The following MDGA2 variants were observed in gnomAD, a reference collection of about 807,000 sequenced individuals.
The protein encoded by MDGA2 is MAM domain containing glycosylphosphatidylinositol anchor 2, also known as MAM domain-containing glycosylphosphatidylinositol anchor protein 2.
A neutral mutation model predicts 117.8 loss-of-function variants in MDGA2; 40 were observed. The observed-to-expected ratio is 0.34, with a 90% CI of 0.26 to 0.44. MDGA2 has a LOEUF of 0.44. MDGA2 is among the 20% of genes least tolerant of loss of function. The pLI, the probability that MDGA2 is intolerant of heterozygous loss-of-function variation, is 1.00. For synonymous variants in MDGA2, 452 were observed against 439.0 expected, an observed-to-expected ratio of 1.03 and a Z score of -0.37; for missense variants, 1,123 against 1,250.6, an observed-to-expected ratio of 0.90 and a Z score of 1.54.
At chr14:47,239,395 G>C (rs536818488) in intron 2 of MDGA2, among the ~76,000 whole-genome samples, 1 of 151,720 alleles carries the variant, frequency 6.6e-6, no homozygotes, top group South Asian at 2.1e-4. Context: ...ACTGTACATT[G>C]TGTAAAATAA....
At chr14:47,549,408 A>G (rs1250500460) in intron 1 of MDGA2, among the ~76,000 whole-genome samples, 1 of 142,484 alleles carries the variant, frequency 7.0e-6, no homozygotes, top group Non-Finnish European at 1.5e-5. Context: ...TTTTTCCACC[A>G]TTCCAGTGTG....
intron 7 of MDGA2, among the ~76,000 whole-genome samples, chr14:47,051,293 T>C (rs1380524396): frequency 2.0e-5 from 3 of 151,852 alleles, no homozygotes; most frequent in East Asian, 1.9e-4. Flanking sequence ...AATTAAGACA[T>C]GTAGGTTATC....
intron 1 of MDGA2, among the ~76,000 whole-genome samples, chr14:47,358,818 C>A (rs1318444025): frequency 1.3e-5 from 2 of 152,118 alleles, no homozygotes; most frequent in African/African-American, 4.8e-5. Flanking sequence ...GGAGAAGACA[C>A]AAATATGTGG....
intron 1 of MDGA2, among the ~76,000 whole-genome samples, chr14:47,597,165 C>T (rs1252892871): frequency 6.6e-6 from 1 of 151,982 alleles, no homozygotes; most frequent in Admixed American, 6.6e-5. Context: ...AAAATTTCCC[C>T]TTAAAGGTTA....
chr14:47,444,655 G>C (rs1456940423), intron 1 of MDGA2, among the ~76,000 whole-genome samples: 1 of 152,072 alleles, frequency 6.6e-6, no homozygotes, highest in Non-Finnish European at 1.5e-5. Flanking sequence ...TAAGACTTCT[G>C]GGTTTTCAAA....
chr14:47,439,771 T>C (rs973365993), intron 1 of MDGA2, among the ~76,000 whole-genome samples: 7 of 151,786 alleles, frequency 4.6e-5, no homozygotes, highest in African/African-American at 1.5e-4. Flanking sequence ...TATGGTTGTA[T>C]GTACTCGAGT....
chr14:47,496,435 G>C (rs1894282640), intron 1 of MDGA2, among the ~76,000 whole-genome samples: 1 of 151,904 alleles, frequency 6.6e-6, no homozygotes, highest in Non-Finnish European at 1.5e-5. Context: ...GTAGAAATGG[G>C]GTCAGGCTAT....
intron 1 of MDGA2, among the ~76,000 whole-genome samples, chr14:47,410,013 C>T (rs893645591): frequency 2.0e-5 from 3 of 152,140 alleles, no homozygotes; most frequent in Non-Finnish European, 4.4e-5. Flanking sequence ...TCATTACAGG[C>T]TATGAGATTC....
intron 1 of MDGA2, among the ~76,000 whole-genome samples, chr14:47,646,812 A>G (rs1481154858): frequency 6.6e-6 from 1 of 152,188 alleles, no homozygotes; most frequent in African/African-American, 2.4e-5. Context: ...ATGTAAAATG[A>G]AATTGTTTGT....
rs560548304 is a variant in MDGA2, at chr14:46,977,154, A to G, written c.1820-19511T>C. 3.3e-5 allele frequency among the ~76,000 whole-genome samples: 5 copies of G among 151,984 alleles called. No homozygotes were observed. In the East Asian group the frequency reaches 5.8e-4, roughly 18 times the overall value. ...TAGAGTACACATGACTATATGACAT[A>G]TGTATCATCAAGCTCCAAGATTAAA... On this transcript the variant is annotated intron_variant, in intron 8 of 16. Transcript: ENST00000399232.
At chr14:47,042,674 G>C (rs1471553956) in intron 7 of MDGA2, among the ~76,000 whole-genome samples, 1 of 152,018 alleles carries the variant, frequency 6.6e-6, no homozygotes, top group African/African-American at 2.4e-5. Context: ...TAAATAATTT[G>C]CGTTTGCAAC....
In MDGA2 at chr14:47,613,475, TCTCTCACA is replaced by T. The variant is rs1896889924; in HGVS notation, c.280+61034_280+61041del. 7.3e-5 allele frequency among the ~76,000 whole-genome samples: 8 copies of T among 109,094 alleles called. No homozygotes were observed. The South Asian group carries it at 2.2e-3, about 30-fold the overall frequency. The allele number at this position is 109,094 out of a possible 152,430, so 71.6% of individuals were successfully genotyped here. On this transcript the variant is annotated intron_variant, in intron 1 of 16. Transcript: ENST00000399232. ...CTTCATTTATCTCTCTCTCTCTCTC[TCTCTCACA>T]CACACACACACACACACACACACGC... is the stretch of plus-strand genomic sequence containing the variant.
intron 2 of MDGA2, among the ~76,000 whole-genome samples, chr14:47,301,175 T>C (rs927732306): frequency 5.3e-4 from 80 of 152,226 alleles, no homozygotes; most frequent in African/African-American, 1.9e-3. Context: ...AAAACAAAAA[T>C]TTCTTTTTTC....
chr14:47,539,813 G>T (rs1342021280), intron 1 of MDGA2, among the ~76,000 whole-genome samples: 4 of 152,180 alleles, frequency 2.6e-5, no homozygotes, highest in African/African-American at 9.7e-5. Flanking sequence ...AGTGAAAGCT[G>T]AAGTAGTAGC....
chr14:47,084,783 G>A (rs187953466), intron 6 of MDGA2, among the ~76,000 whole-genome samples: 18 of 152,226 alleles, frequency 1.2e-4, no homozygotes, highest in Non-Finnish European at 1.9e-4. Context: ...GATATGAAAC[G>A]TTTGCAGTGT....
intron 5 of MDGA2, among the ~76,000 whole-genome samples, chr14:47,098,644 A>G (rs1011907559): frequency 6.6e-6 from 1 of 151,892 alleles, no homozygotes; most frequent in Non-Finnish European, 1.5e-5. Context: ...ATGAAGAGGT[A>G]AAGAAAATCT....
chr14:47,665,559 C>T (rs371888799), intron 1 of MDGA2, among the ~76,000 whole-genome samples: 55 of 152,238 alleles, frequency 3.6e-4, no homozygotes, highest in East Asian at 2.1e-3. Flanking sequence ...ACCAGGGCTG[C>T]GCTGGGCACT....
intron 10 of MDGA2, among the ~76,000 whole-genome samples, chr14:46,915,651 T>A (rs1221977648): frequency 6.6e-6 from 1 of 152,076 alleles, no homozygotes; most frequent in Non-Finnish European, 1.5e-5. Flanking sequence ...CAAAATCAAT[T>A]GAAAACCTTG....
chr14:47,216,626 TA>T (rs1249832330), intron 3 of MDGA2, among the ~76,000 whole-genome samples: 1 of 152,120 alleles, frequency 6.6e-6, no homozygotes, highest in Admixed American at 6.6e-5. Context: ...GTGTTTAAGG[TA>T]TTGAAGAGGT....
Sources: allele counts gnomAD v4.1 joint callset (sites outside exome capture counted in the v4.1 genomes callset), GRCh38; gene constraint gnomAD v4.1.1; transcripts MANE v1.5; gene names NCBI Gene and HGNC (gene_info 2026-07-23, HGNC 2026-07-21).